Variants in AKAP6 observed in about 807,000 individuals in gnomAD.
AKAP6 encodes the protein A-kinase anchor protein 6.
Under a neutral mutation model 188.5 loss-of-function variants are expected in AKAP6, and 58 were observed. The ratio of observed to expected loss-of-function variants is 0.31; its 90% confidence interval spans 0.25 to 0.38. AKAP6 has a LOEUF of 0.38. Ranked by LOEUF, AKAP6 falls within the 10% of genes least tolerant of loss-of-function variation. AKAP6 has a pLI of 1.00. For synonymous variants in AKAP6, 989 were observed against 998.6 expected (o/e 0.99, Z 0.18); for missense variants, 2,710 against 2,740.0 (o/e 0.99, Z 0.24).
intron 1 of AKAP6, among the ~76,000 whole-genome samples, chr14:32,343,625 G>A (rs1028677528): frequency 9.2e-5 from 14 of 151,572 alleles, no homozygotes; most frequent in Non-Finnish European, 1.8e-4. Context: ...GCAGGCGCCT[G>A]TAGTCCCAGC....
chr14:32,784,401 C>G (rs2033341578), intron 12 of AKAP6, among the ~76,000 whole-genome samples: 1 of 152,182 alleles, frequency 6.6e-6, no homozygotes, highest in African/African-American at 2.4e-5. Context: ...ACAAACCTCT[C>G]TACTGAACAG....
intron 11 of AKAP6, among the ~76,000 whole-genome samples, chr14:32,736,393 A>G (rs1039051912): frequency 6.6e-6 from 1 of 152,228 alleles, no homozygotes; most frequent in Non-Finnish European, 1.5e-5. Context: ...ATTCCATTAT[A>G]GAATATACCA....
intron 9 of AKAP6, among the ~76,000 whole-genome samples, chr14:32,725,011 A>AAAAAAAAAAC (rs1566668827): frequency 8.7e-5 from 13 of 150,038 alleles, no homozygotes; most frequent in Non-Finnish European, 1.9e-4. Context: ...AAAAAAAAAA[A>AAAAAAAAAAC]AAAAAACAAT....
chr14:32,716,979 G>A (rs1251299496), intron 9 of AKAP6, among the ~76,000 whole-genome samples: 1 of 152,074 alleles, frequency 6.6e-6, no homozygotes, highest in African/African-American at 2.4e-5. Context: ...TAAAATACCT[G>A]TGTTAGACAA....
Position 32,735,786 on chromosome 14 carries a change from A to G in AKAP6, c.3276A>G (p.Gly1092=). Residue 1092 remains glycine (G), a synonymous_variant, in exon 11 of 14, where the codon GGA becomes GGG. Transcript: ENST00000280979. Reference sequence around the variant, plus strand: ...AGGTCAGGATCAAAGAACTGAAAGGATGGCTAAGAGATACAGAGCTTTTCA... The same window carrying G: ...AGGTCAGGATCAAAGAACTGAAAGGGTGGCTAAGAGATACAGAGCTTTTCA... The part of the protein sequence containing the change: ...QLEVRIKELK[G]WLRDTELFIF... 1 of 1,613,540 alleles carries G rather than the reference A, an allele frequency of 6.2e-7. No individual in the cohort carries two copies. The highest frequency in any genetic ancestry group is 1.3e-5 in the African/African-American group (1 of 74,982).
intron 2 of AKAP6, among the ~76,000 whole-genome samples, chr14:32,451,591 G>A (rs1421831770): frequency 3.3e-5 from 5 of 152,062 alleles, no homozygotes; most frequent in Non-Finnish European, 1.5e-5. Context: ...ATTTATTTCT[G>A]TATCTTCTAG....
intron 1 of AKAP6, among the ~76,000 whole-genome samples, chr14:32,375,429 A>G (rs10133980): frequency 0.93 from 140,668 of 151,804 alleles, 65,522 homozygotes; most frequent in East Asian, 1. Context: ...TATCAGGGCT[A>G]GGTTTGTAGA....
chr14:32,447,235 T>C (rs1399176701), intron 2 of AKAP6, among the ~76,000 whole-genome samples: 1 of 152,232 alleles, frequency 6.6e-6, no homozygotes, highest in African/African-American at 2.4e-5. Context: ...CATTCTCATT[T>C]GCTTTTTTCA....
At chr14:32,738,749 A>G (rs1469413987) in intron 11 of AKAP6, among the ~76,000 whole-genome samples, 2 of 152,130 alleles carry the variant, frequency 1.3e-5, no homozygotes, top group Non-Finnish European at 2.9e-5. Context: ...ATACACTTTG[A>G]AACTTTGCTT....
intron 1 of AKAP6, among the ~76,000 whole-genome samples, chr14:32,341,863 T>C (rs1886900385): frequency 6.6e-6 from 1 of 151,768 alleles, no homozygotes; most frequent in Non-Finnish European, 1.5e-5. Flanking sequence ...AAGTAAAAAA[T>C]TAGATGGGCG....
At chr14:32,641,543 T>G (rs1887758141) in intron 7 of AKAP6, among the ~76,000 whole-genome samples, 1 of 151,634 alleles carries the variant, frequency 6.6e-6, no homozygotes, top group South Asian at 2.1e-4. Flanking sequence ...CTGAAGGACT[T>G]ATGTTAACTA....
At chr14:32,706,208 C>T (rs560424803) in intron 9 of AKAP6, among the ~76,000 whole-genome samples, 6 of 152,056 alleles carry the variant, frequency 3.9e-5, no homozygotes, top group African/African-American at 7.2e-5. Context: ...CTTGCAAGAA[C>T]GTTATTTCCT....
intron 13 of AKAP6, among the ~76,000 whole-genome samples, chr14:32,825,980 C>T (rs2140158440): frequency 6.6e-6 from 1 of 152,246 alleles, no homozygotes; most frequent in East Asian, 1.9e-4. Flanking sequence ...ATTACAAATA[C>T]ATCTTTTAAA....
intron 9 of AKAP6, among the ~76,000 whole-genome samples, chr14:32,717,120 G>T (rs1416265620): frequency 6.6e-6 from 1 of 152,072 alleles, no homozygotes; most frequent in Non-Finnish European, 1.5e-5. Context: ...AGAAGTAACA[G>T]TTGCAGGATT....
At position 32,402,031 on chromosome 14, in the gene AKAP6, T is replaced by A. The variant is rs544810392; in HGVS notation, c.-34-31429T>A. 9.2e-5 allele frequency: 14 copies of A among 152,338 alleles called. 1 individual carries two copies. The highest frequency in any genetic ancestry group is 1.6e-4 in the Non-Finnish European group (11 of 68,028). The allele number at this position is 152,338 out of a possible 1,614,324, so 9.4% of individuals were successfully genotyped here. A position where few individuals can be genotyped will look rare whatever the true frequency, so the allele number is the denominator to read the frequency against. ...GCTCTTTATTCAGAACATCAAGGAC[T>A]GTTGACAGTTGAATAAAAAGGGCGG... is the stretch of plus-strand genomic sequence containing the variant. On this transcript the variant is annotated intron_variant, in intron 1 of 13. Coordinates refer to ENST00000280979, the MANE Select transcript of AKAP6 (RefSeq NM_004274.5).
At chr14:32,512,736 G>A (rs1430893196) in intron 2 of AKAP6, among the ~76,000 whole-genome samples, 4 of 152,142 alleles carry the variant, frequency 2.6e-5, no homozygotes, top group South Asian at 2.1e-4. Flanking sequence ...GTTATAATAC[G>A]GACAGTCAGT....
intron 1 of AKAP6, among the ~76,000 whole-genome samples, chr14:32,411,710 T>C (rs983415570): frequency 6.6e-6 from 1 of 152,150 alleles, no homozygotes; most frequent in Non-Finnish European, 1.5e-5. Context: ...GGATTTAGCT[T>C]TCTTAGATCT....
intron 12 of AKAP6, among the ~76,000 whole-genome samples, chr14:32,805,228 G>A (rs562494279): frequency 7.2e-5 from 11 of 152,244 alleles, no homozygotes; most frequent in South Asian, 6.2e-4. Flanking sequence ...CTCCTGCCTG[G>A]TCCCTCTGTT....
At chr14:32,415,400 TAA>T (rs3030609) in intron 1 of AKAP6, among the ~76,000 whole-genome samples, 95,780 of 150,514 alleles carry the variant, frequency 0.64, 32,569 homozygotes, top group Non-Finnish European at 0.76. Context: ...CTTGAGACTT[TAA>T]GTTAACTTAG....
Sources: gnomAD v4.1 joint callset for allele counts (sites outside exome capture counted in the v4.1 genomes callset) on GRCh38, gnomAD v4.1.1 for gene constraint, MANE v1.5 for transcripts, NCBI Gene and HGNC (gene_info 2026-07-23, HGNC 2026-07-21) for gene names.